The following PPM1A variants were observed in gnomAD, a reference collection of about 807,000 sequenced individuals.
The protein encoded by PPM1A is protein phosphatase, Mg2+/Mn2+ dependent 1A.
A neutral mutation model predicts 35.0 loss-of-function variants in PPM1A; 7 were observed. The observed-to-expected ratio is 0.20, with a 90% CI of 0.11 to 0.38. PPM1A has a LOEUF of 0.38. PPM1A is among the 10% of genes least tolerant of loss of function. The pLI is 1.00. For synonymous variants in PPM1A, 153 were observed against 167.3 expected (o/e 0.91, Z 0.66); for missense variants, 239 against 467.8 (o/e 0.51, Z 4.51).
At chr14:60,263,955 CTT>C (rs372605164) in intron 1 of PPM1A, among the ~76,000 whole-genome samples, 96 of 144,498 alleles carry the variant, frequency 6.6e-4, no homozygotes, top group African/African-American at 2.2e-3. Context: ...GTAATTTCTA[CTT>C]TTTTTTTTTT....
intron 1 of PPM1A, among the ~76,000 whole-genome samples, chr14:60,278,944 C>T (rs998468070): frequency 1.3e-5 from 2 of 152,118 alleles, no homozygotes; most frequent in Admixed American, 1.3e-4. Flanking sequence ...GAATATGTCA[C>T]CTTGGATGGA....
At chr14:60,275,051 CTT>C (rs908744259) in intron 1 of PPM1A, among the ~76,000 whole-genome samples, 48 of 140,668 alleles carry the variant, frequency 3.4e-4, no homozygotes, top group African/African-American at 1.3e-3. Flanking sequence ...TTTTAGATTT[CTT>C]TCTTTTCTCT....
Position 60,289,985 on chromosome 14 carries a change from T to C in PPM1A, c.1061+71T>C. 13 of 1,093,914 alleles carry C rather than the reference T, an allele frequency of 1.2e-5. No individual in the cohort carries two copies. The highest frequency in any genetic ancestry group is 1.6e-5 in the Non-Finnish European group (12 of 771,266). 67.8% of individuals were successfully genotyped at this position (1,093,914 alleles called of 1,614,324 possible). A position where few individuals can be genotyped will look rare whatever the true frequency, so the allele number is the denominator to read the frequency against. ...AAATGTTAGGTATTCATTGATAAAATGTTTGTTTGCCTAATTTCTGAACTG... is the reference window on the plus strand; with the variant it reads ...AAATGTTAGGTATTCATTGATAAAACGTTTGTTTGCCTAATTTCTGAACTG... On this transcript the variant is annotated intron_variant, in intron 4 of 5. Transcript: ENST00000395076. The surrounding 1 kb of genome is among the most constrained non-coding windows in gnomAD (Gnocchi z 4.1).
intron 3 of PPM1A, chr14:60,287,633 T>G: frequency 2.0e-6 from 2 of 985,296 alleles, no homozygotes; most frequent in Non-Finnish European, 2.4e-6. Flanking sequence ...TTTATTTGCT[T>G]GGAACATTTT....
chr14:60,247,531 GA>G (rs1448643473), upstream of PPM1A, among the ~76,000 whole-genome samples: 21 of 150,848 alleles, frequency 1.4e-4, no homozygotes, highest in African/African-American at 4.6e-4. Context: ...TCGGGAGGCT[GA>G]GGCAGGAGAA....
chr14:60,289,052 G>A lies in PPM1A; in HGVS notation c.953-754G>A, dbSNP rs139785575. On this transcript the variant is annotated intron_variant, in intron 3 of 5. Transcript: ENST00000395076. This position sits in a 1 kb window ranked among gnomAD's most constrained non-coding sequence, Gnocchi z 4.1. ...TGACAACACTGCAGATCATATTGCT[G>A]TGCCCTTTTAATAACTGGATATTTT... 6.6e-6 allele frequency among the ~76,000 whole-genome samples: 1 copy of A among 152,172 alleles called. No homozygotes were observed. Among genetic ancestry groups the A allele is most frequent in the African/African-American group, 2.4e-5 (1 of 41,548 alleles).
chr14:60,260,196 T>C (rs1023730461), intron 1 of PPM1A, among the ~76,000 whole-genome samples: 6 of 152,114 alleles, frequency 3.9e-5, no homozygotes, highest in Non-Finnish European at 7.4e-5. Context: ...GATTTTGGTT[T>C]GCTTTTTGAA....
chr14:60,271,448 T>G (rs1885096155), intron 1 of PPM1A, among the ~76,000 whole-genome samples: 1 of 152,206 alleles, frequency 6.6e-6, no homozygotes, highest in Non-Finnish European at 1.5e-5. Context: ...GAGGCAGACA[T>G]ATTAGTCAAA....
rs1225680648 is a variant in PPM1A, at chr14:60,260,857, T to C, written c.-21+11180T>C. On this transcript the variant is annotated intron_variant, in intron 1 of 5. Coordinates refer to ENST00000395076, the MANE Select transcript of PPM1A (RefSeq NM_021003.5). ...AGCTATGAATAAGTTAGCCTTCTTT[T>C]ACAACTTAAATAACAATTCTTGTCT... Among the ~76,000 whole-genome samples, 6 of 152,192 alleles carry C rather than the reference T, an allele frequency of 3.9e-5. No individual in the cohort carries two copies. In the South Asian group the frequency reaches 8.3e-4, roughly 21 times the overall value.
At chr14:60,284,440 G>A (rs1460928349) in intron 2 of PPM1A, among the ~76,000 whole-genome samples, 1 of 152,072 alleles carries the variant, frequency 6.6e-6, no homozygotes, top group Non-Finnish European at 1.5e-5. Context: ...AGGAGATCGA[G>A]ACCATCCTGG....
At chr14:60,247,329 T>A (rs1433498315), upstream of PPM1A, among the ~76,000 whole-genome samples, 1 of 152,034 alleles carries the variant, frequency 6.6e-6, no homozygotes, top group Non-Finnish European at 1.5e-5. Flanking sequence ...TGATCCACGA[T>A]CATCTTCTAA....
intron 4 of PPM1A, among the ~76,000 whole-genome samples, 157 bp from the exon 5 acceptor site, chr14:60,291,240 C>T (rs1471710244): frequency 6.6e-6 from 1 of 151,898 alleles, no homozygotes; most frequent in African/African-American, 2.4e-5. Context: ...GCCCAAATAT[C>T]TTAAAAGTGA....
chr14:60,251,836 T>A (rs1383063359), intron 1 of PPM1A, among the ~76,000 whole-genome samples: 1 of 151,242 alleles, frequency 6.6e-6, no homozygotes. Context: ...GTAGGGAAAC[T>A]CTTGAGAGGA....
At chr14:60,271,859 T>A (rs1885170475) in intron 1 of PPM1A, among the ~76,000 whole-genome samples, 2 of 152,190 alleles carry the variant, frequency 1.3e-5, no homozygotes, top group Non-Finnish European at 2.9e-5. Context: ...TAGGTATTCC[T>A]AGAACTTTAG....
chr14:60,263,885 T>A (rs1884069144), intron 1 of PPM1A, among the ~76,000 whole-genome samples: 1 of 152,164 alleles, frequency 6.6e-6, no homozygotes, highest in Admixed American at 6.5e-5. Flanking sequence ...TGATTTTTTT[T>A]ATGAGCTAAT....
At chr14:60,258,147 T>C (rs1401452550) in intron 1 of PPM1A, among the ~76,000 whole-genome samples, 3 of 152,100 alleles carry the variant, frequency 2.0e-5, no homozygotes, top group Non-Finnish European at 4.4e-5. Flanking sequence ...CCATCTAGTG[T>C]GATCTTTTCT....
intron 3 of PPM1A, chr14:60,288,514 A>G: frequency 1.0e-6 from 1 of 984,280 alleles, no homozygotes; most frequent in Non-Finnish European, 1.2e-6. Flanking sequence ...CAAATATACT[A>G]GATGTTAAAG....
intron 4 of PPM1A, among the ~76,000 whole-genome samples, 185 bp downstream of exon 4, chr14:60,290,099 A>AT (rs774534983): frequency 4.6e-5 from 7 of 152,186 alleles, no homozygotes; most frequent in Non-Finnish European, 1.0e-4. Flanking sequence ...TATCAGTATC[A>AT]TTGTAACTAA....
rs562962307 is a variant in PPM1A at position 60,272,042 on chromosome 14, A to ATT, written c.-20-10628_-20-10627dup. On this transcript the variant is annotated intron_variant, in intron 1 of 5. Coordinates refer to ENST00000395076, the MANE Select transcript of PPM1A (RefSeq NM_021003.5). ...TAATCTTGTGGTGACAGGTATTTCCATTTTTTTTTTTTTTTGATGTTTCAT... is the reference window on the plus strand; with the variant it reads ...TAATCTTGTGGTGACAGGTATTTCCATTTTTTTTTTTTTTTTTGATGTTTCAT... Among the ~76,000 whole-genome samples, 262 of 136,824 alleles carry ATT rather than the reference A, an allele frequency of 1.9e-3. 1 individual carries two copies. Among genetic ancestry groups the ATT allele is most frequent in the East Asian group, 0.018 (83 of 4,664 alleles). 89.8% of individuals were successfully genotyped at this position (136,824 alleles called of 152,430 possible). A position where few individuals can be genotyped will look rare whatever the true frequency, so the allele number is the denominator to read the frequency against.
Sources: allele counts gnomAD v4.1 joint callset (sites outside exome capture counted in the v4.1 genomes callset), GRCh38; gene constraint gnomAD v4.1.1; non-coding constraint Gnocchi (gnomAD v3.1); transcripts MANE v1.5; gene names NCBI Gene and HGNC (gene_info 2026-07-23, HGNC 2026-07-21).